Variants in GALNT9 observed in about 807,000 individuals in gnomAD.
GALNT9 encodes the protein polypeptide N-acetylgalactosaminyltransferase 9.
Under a neutral mutation model 63.1 loss-of-function variants are expected in GALNT9, and 47 were observed. The observed-to-expected ratio is 0.75, with a 90% confidence interval of 0.59 to 0.95. GALNT9 has a LOEUF of 0.95. GALNT9 is among the 40% of genes least tolerant of loss of function. The pLI is 0.00. For missense variants in GALNT9, 829 were observed against 874.8 expected, an observed-to-expected ratio of 0.95 and a Z score of 0.66; for synonymous variants, 396 against 365.7, an observed-to-expected ratio of 1.08 and a Z score of -0.94.
chr12:132,295,896 C>CG (rs1360305144), intron 1 of GALNT9, among the ~76,000 whole-genome samples: 24 of 118,654 alleles, frequency 2.0e-4, no homozygotes, highest in Middle Eastern at 5.6e-3. Flanking sequence ...GGAGAGCCTC[C>CG]GAACAGGGAG....
chr12:132,321,050 C>A (rs564861779), intron 1 of GALNT9, among the ~76,000 whole-genome samples: 2 of 152,172 alleles, frequency 1.3e-5, no homozygotes, highest in South Asian at 2.1e-4. Context: ...GGCGTCCCAG[C>A]GGGGAGGAGG....
At chr12:132,323,558 C>T (rs1324390695) in intron 1 of GALNT9, among the ~76,000 whole-genome samples, 1 of 152,210 alleles carries the variant, frequency 6.6e-6, no homozygotes, top group Non-Finnish European at 1.5e-5. Context: ...ATGGGGAGGA[C>T]AGCTGTGTGT....
intron 1 of GALNT9, among the ~76,000 whole-genome samples, chr12:132,288,352 C>T (rs1318289038): frequency 2.0e-5 from 3 of 152,218 alleles, no homozygotes; most frequent in Non-Finnish European, 2.9e-5. Flanking sequence ...ACAGATTGGA[C>T]GTAGAATTGA....
At position 132,302,657 on chromosome 12, in the gene GALNT9, C is replaced by G. The variant is rs142589490; in HGVS notation, c.239-16227G>C. Among the ~76,000 whole-genome samples the G allele has an allele frequency of 8.1e-3, 1,232 of 152,304 alleles. 8 individuals carry two copies. Among genetic ancestry groups the G allele is most frequent in the African/African-American group, 0.022 (903 of 41,558 alleles). ...CATCATGCCCACAGGTGAACAGGTG[C>G]CAGCCCAGGGCAGCCGCTTCCACGC... On this transcript the variant is annotated intron_variant, in intron 1 of 10. Coordinates refer to ENST00000328957, the MANE Select transcript of GALNT9 (RefSeq NM_001122636.2).
chr12:132,209,901 G>C (rs915740594), intron 6 of GALNT9, among the ~76,000 whole-genome samples: 8 of 152,236 alleles, frequency 5.3e-5, no homozygotes, highest in African/African-American at 1.9e-4. Context: ...TGCCTGTGGA[G>C]CAGCCATTCT....
At chr12:132,202,709 G>C (rs1876256932) in intron 7 of GALNT9, among the ~76,000 whole-genome samples, 1 of 151,980 alleles carries the variant, frequency 6.6e-6, no homozygotes, top group African/African-American at 2.4e-5. Context: ...CAGAACTCAG[G>C]GACCCAGTGC....
At chr12:132,313,377 CCACT>C (rs1440159935) in intron 1 of GALNT9, among the ~76,000 whole-genome samples, 19 of 150,000 alleles carry the variant, frequency 1.3e-4, no homozygotes, top group Admixed American at 4.6e-4. Context: ...ATCCACCCAT[CCACT>C]CACTCACTCA....
intron 2 of GALNT9, chr12:132,272,544 A>G (rs1361102907): frequency 6.6e-6 from 1 of 152,230 alleles, no homozygotes; most frequent in Non-Finnish European, 1.5e-5. Flanking sequence ...CATGCCATTA[A>G]TGTGCACCTA....
rs556569782 is a variant in GALNT9 at position 132,319,618 on chromosome 12, G to C, written c.238+9348C>G. On this transcript the variant is annotated intron_variant, in intron 1 of 10. Transcript: ENST00000328957. The surrounding 1 kb of genome is among the most constrained non-coding windows in gnomAD (Gnocchi z 5.2). ...TATCCGCCGGCTCCTTTCCTCGGGA[G>C]AGCCCTGACGCACACACTAGCTGAG... is the stretch of plus-strand genomic sequence containing the variant. Among the ~76,000 whole-genome samples, 8 of 152,276 alleles carry C rather than the reference G, an allele frequency of 5.3e-5. No homozygotes were observed. Among genetic ancestry groups the C allele is most frequent in the African/African-American group, 1.9e-4 (8 of 41,560 alleles).
At position 132,236,323 on chromosome 12, in the gene GALNT9, G is replaced by C. The variant is rs2136894617; in HGVS notation, c.1077+11587C>G. ...GTGGGGGTCGCGGTGGGCCTGGGTC[G>C]GGGCCAAGGGAGCCACATCCAGTGT... is the stretch of plus-strand genomic sequence containing the variant. On this transcript the variant is annotated intron_variant, in intron 6 of 10. Coordinates refer to ENST00000328957, the MANE Select transcript of GALNT9 (RefSeq NM_001122636.2). The surrounding 1 kb of genome is among the most constrained non-coding windows in gnomAD (Gnocchi z 5.6). Among the ~76,000 whole-genome samples the C allele has an allele frequency of 1.6e-3, 237 of 151,798 alleles. 1 individual carries two copies. Among genetic ancestry groups the C allele is most frequent in the Non-Finnish European group, 2.7e-3 (186 of 67,876 alleles).
At chr12:132,249,580 A>G (rs1401070443) in intron 5 of GALNT9, among the ~76,000 whole-genome samples, 1 of 152,270 alleles carries the variant, frequency 6.6e-6, no homozygotes, top group African/African-American at 2.4e-5. Flanking sequence ...TGGGTAAGTT[A>G]TAGTTTATCA....
At chr12:132,303,701 C>G (rs1304672339) in intron 1 of GALNT9, among the ~76,000 whole-genome samples, 1 of 89,618 alleles carries the variant, frequency 1.1e-5, no homozygotes, top group African/African-American at 4.8e-5. Context: ...ACACCCTCAC[C>G]GGGGCACACC....
rs1046103585 is a variant in GALNT9 at position 132,246,144 on chromosome 12, C to A, written c.1077+1766G>T. Among the ~76,000 whole-genome samples the A allele has an allele frequency of 6.6e-6, 1 of 152,242 alleles. No homozygotes were observed. The highest frequency in any genetic ancestry group is 1.5e-5 in the Non-Finnish European group (1 of 68,042). On this transcript the variant is annotated intron_variant, in intron 6 of 10. Transcript: ENST00000328957. This position sits in a 1 kb window ranked among gnomAD's most constrained non-coding sequence, Gnocchi z 4.7. ...CGCGTGGGTGCGTTCAATCCACGGC[C>A]GACCCGCCAAGGTCTGGTGTTTAAC...
chr12:132,272,145 C>T (rs1402400662), intron 2 of GALNT9, among the ~76,000 whole-genome samples: 3 of 152,180 alleles, frequency 2.0e-5, no homozygotes, highest in Admixed American at 6.5e-5. Flanking sequence ...AGATGCACGG[C>T]GGGGACCCCT....
rs1868538380 is a variant in GALNT9 at position 132,316,930 on chromosome 12, C to T, written c.238+12036G>A. Among the ~76,000 whole-genome samples the T allele has an allele frequency of 6.6e-6, 1 of 150,538 alleles. No individual in the cohort carries two copies. Among genetic ancestry groups the T allele is most frequent in the South Asian group, 2.1e-4 (1 of 4,726 alleles). On this transcript the variant is annotated intron_variant, in intron 1 of 10. Transcript: ENST00000328957. The surrounding 1 kb of genome is among the most constrained non-coding windows in gnomAD (Gnocchi z 4.3). The stretch of plus-strand genomic sequence containing the variant: ...ACACCCCACAGAGCACAGCCTGCAT[C>T]CTACACCCCACAGAGCACAGCCTGC...
chr12:132,247,011 C>T (rs1555238039), intron 6 of GALNT9, among the ~76,000 whole-genome samples: 1 of 152,192 alleles, frequency 6.6e-6, no homozygotes, highest in South Asian at 2.1e-4. Context: ...TAAAACTAGC[C>T]TTAACTCTTT....
chr12:132,269,247 G>A (rs1268924182), intron 2 of GALNT9, among the ~76,000 whole-genome samples: 2 of 152,140 alleles, frequency 1.3e-5, no homozygotes, highest in Non-Finnish European at 2.9e-5. Flanking sequence ...GGAAGATGCT[G>A]GCCGAGAATT....
In GALNT9 at chr12:132,319,286, C is replaced by T. The variant is rs115248434; in HGVS notation, c.238+9680G>A. Among the ~76,000 whole-genome samples, 52 of 152,270 alleles carry T rather than the reference C, an allele frequency of 3.4e-4. No homozygotes were observed. The highest frequency in any genetic ancestry group is 1.2e-3 in the African/African-American group (49 of 41,562). On this transcript the variant is annotated intron_variant, in intron 1 of 10. Coordinates refer to ENST00000328957, the MANE Select transcript of GALNT9 (RefSeq NM_001122636.2). The surrounding 1 kb of genome is among the most constrained non-coding windows in gnomAD (Gnocchi z 5.2). ...CCTCCCCAGTGCAGACAGGGATCAG[C>T]CCCTTCTCGGAGGCCCGGCTGGAAC...
chr12:132,295,388 C>T (rs1881018242), intron 1 of GALNT9, among the ~76,000 whole-genome samples: 1 of 152,008 alleles, frequency 6.6e-6, no homozygotes, highest in Non-Finnish European at 1.5e-5. Flanking sequence ...GAATTGTGTC[C>T]TCCAGAAAAA....
Sources: gnomAD v4.1 joint callset for allele counts (sites outside exome capture counted in the v4.1 genomes callset) on GRCh38, gnomAD v4.1.1 for gene constraint, Gnocchi (gnomAD v3.1) non-coding constraint, MANE v1.5 for transcripts, NCBI Gene and HGNC (gene_info 2026-07-23, HGNC 2026-07-21) for gene names.